BNC2: variants seen among roughly 807,000 people sequenced by gnomAD.
BNC2 encodes the protein basonuclin zinc finger protein 2.
Under a neutral mutation model 76.3 loss-of-function variants are expected in BNC2, and 20 were observed. The ratio of observed to expected loss-of-function variants is 0.26; its 90% CI spans 0.18 to 0.38. The LOEUF (loss-of-function observed/expected upper bound fraction) is 0.38. BNC2 is among the 10% of genes least tolerant of loss of function. BNC2 has a pLI of 1.00. For synonymous variants in BNC2, 582 were observed against 514.8 expected, an observed-to-expected ratio of 1.13 and a Z score of -1.77; for missense variants, 1,382 against 1,399.8, an observed-to-expected ratio of 0.99 and a Z score of 0.20.
chr9:16,781,950 G>T (rs868123338), intron 1 of BNC2, among the ~76,000 whole-genome samples: 7 of 152,164 alleles, frequency 4.6e-5, no homozygotes, highest in Middle Eastern at 6.8e-3. Flanking sequence ...AAAATGACAA[G>T]TAAGATTATC....
chr9:16,751,592 T>A (rs1372068017), intron 1 of BNC2, among the ~76,000 whole-genome samples: 1 of 92,526 alleles, frequency 1.1e-5, no homozygotes, highest in Non-Finnish European at 2.4e-5. Context: ...ATAAAGCTGC[T>A]GTCCCCAGCA....
intron 4 of BNC2, among the ~76,000 whole-genome samples, chr9:16,564,397 A>G (rs1819109136): frequency 6.6e-6 from 1 of 152,222 alleles, no homozygotes; most frequent in African/African-American, 2.4e-5. Context: ...AGATGCTTGT[A>G]GTAAAGATGA....
intron 3 of BNC2, among the ~76,000 whole-genome samples, chr9:16,634,827 G>A (rs1218180818): frequency 6.6e-6 from 1 of 151,862 alleles, no homozygotes; most frequent in Non-Finnish European, 1.5e-5. Flanking sequence ...AAACCCCAAA[G>A]TCTGAGCCCA....
chr9:16,626,368 C>T (rs1319140201), intron 3 of BNC2: 1 of 152,136 alleles, frequency 6.6e-6, no homozygotes, highest in Non-Finnish European at 1.5e-5. Flanking sequence ...GCGATAAATG[C>T]TTAAAGAATA....
intron 3 of BNC2, among the ~76,000 whole-genome samples, chr9:16,646,147 C>A (rs761273432): frequency 6.6e-6 from 1 of 152,214 alleles, no homozygotes; most frequent in Admixed American, 6.5e-5. Context: ...TCTCAGTGAA[C>A]TGGAGGTCAC....
intron 5 of BNC2, among the ~76,000 whole-genome samples, chr9:16,483,053 T>C (rs1468440227): frequency 6.6e-6 from 1 of 152,210 alleles, no homozygotes; most frequent in Admixed American, 6.5e-5. Context: ...AAAAGTGCCA[T>C]TTTGTATACA....
At chr9:16,583,356 G>C (rs1194033493) in intron 3 of BNC2, among the ~76,000 whole-genome samples, 1 of 151,980 alleles carries the variant, frequency 6.6e-6, no homozygotes, top group South Asian at 2.1e-4. Context: ...TTACATATTC[G>C]ATAAGATACC....
At chr9:16,510,147 G>C (rs1822719720) in intron 5 of BNC2, among the ~76,000 whole-genome samples, 1 of 152,200 alleles carries the variant, frequency 6.6e-6, no homozygotes, top group Non-Finnish European at 1.5e-5. Flanking sequence ...GGAAGCGCTA[G>C]CCACACATTC....
chr9:16,501,115 T>C (rs1170699086), intron 5 of BNC2, among the ~76,000 whole-genome samples: 1 of 101,492 alleles, frequency 9.9e-6, no homozygotes, highest in Non-Finnish European at 2.0e-5. Context: ...TAATCATACT[T>C]ACTACAGAGT....
chr9:16,781,731 T>C (rs947615645), intron 1 of BNC2, among the ~76,000 whole-genome samples: 1 of 152,202 alleles, frequency 6.6e-6, no homozygotes, highest in Non-Finnish European at 1.5e-5. Context: ...TTGGAAAATA[T>C]ATAATAAATG....
chr9:16,779,130 A>AAAAAAAAAAAAAAAAAAAAG (rs556932807), intron 1 of BNC2, among the ~76,000 whole-genome samples: 2 of 87,630 alleles, frequency 2.3e-5, no homozygotes, highest in Non-Finnish European at 4.4e-5. Context: ...AAAAAAAAAA[A>AAAAAAAAAAAAAAAAAAAAG]AAAAGAAAAG....
At position 16,661,059 on chromosome 9, in the gene BNC2, A is replaced by G. The variant is rs147726994; in HGVS notation, c.330+66738T>C. 3.2e-3 allele frequency among the ~76,000 whole-genome samples: 489 copies of G among 152,252 alleles called. 3 individuals carry two copies. Among genetic ancestry groups the G allele is most frequent in the African/African-American group, 0.011 (440 of 41,562 alleles). ...CTAAAGTGTATATACCATTATTCCC[A>G]TTTTAAATGTAAGGAAACTGAGGCT... On this transcript the variant is annotated intron_variant, in intron 3 of 6. Transcript: ENST00000380672.
chr9:16,729,925 A>G (rs1366421929), intron 2 of BNC2, among the ~76,000 whole-genome samples: 1 of 151,980 alleles, frequency 6.6e-6, no homozygotes, highest in Non-Finnish European at 1.5e-5. Context: ...CCTTCCACTC[A>G]GGCTCTGTTG....
chr9:16,654,534 C>T (rs1821875931), intron 3 of BNC2, among the ~76,000 whole-genome samples: 1 of 152,168 alleles, frequency 6.6e-6, no homozygotes, highest in African/African-American at 2.4e-5. Context: ...TTAATTATGA[C>T]TTGAACTTAA....
At chr9:16,798,393 T>A (rs959735406) in intron 1 of BNC2, among the ~76,000 whole-genome samples, 10 of 152,134 alleles carry the variant, frequency 6.6e-5, no homozygotes, top group African/African-American at 2.4e-4. Flanking sequence ...TAAATATATA[T>A]GGATTTACAA....
chr9:16,506,912 C>T lies in BNC2; in HGVS notation c.669+45618G>A, dbSNP rs372112188. Among the ~76,000 whole-genome samples, 8 of 151,656 alleles carry T rather than the reference C, an allele frequency of 5.3e-5. No homozygotes were observed. In the East Asian group the frequency reaches 5.9e-4, roughly 11 times the overall value. On this transcript the variant is annotated intron_variant, in intron 5 of 6. Transcript: ENST00000380672. The stretch of plus-strand genomic sequence containing the variant: ...GATTACAGGCACATGCCACCACACT[C>T]GGCTAATTTTTGTATTTTTAGTAAG...
intron 1 of BNC2, among the ~76,000 whole-genome samples, chr9:16,787,205 T>A (rs1270330876): frequency 6.6e-6 from 1 of 152,154 alleles, no homozygotes; most frequent in Non-Finnish European, 1.5e-5. Context: ...TCCAAGAGTG[T>A]CAGAAGCCCT....
chr9:16,693,217 C>T (rs2134449044), intron 3 of BNC2, among the ~76,000 whole-genome samples: 1 of 151,688 alleles, frequency 6.6e-6, no homozygotes, highest in African/African-American at 2.4e-5. Context: ...TGCAACCAAC[C>T]GTTTCACAAT....
At chr9:16,519,458 T>C (rs769203567) in intron 5 of BNC2, among the ~76,000 whole-genome samples, 3 of 152,180 alleles carry the variant, frequency 2.0e-5, no homozygotes, top group Non-Finnish European at 4.4e-5. Flanking sequence ...TTTGGACAGG[T>C]AGAGACAACC....
Sources: allele counts gnomAD v4.1 joint callset (sites outside exome capture counted in the v4.1 genomes callset), GRCh38; gene constraint gnomAD v4.1.1; transcripts MANE v1.5; gene names NCBI Gene and HGNC (gene_info 2026-07-23, HGNC 2026-07-21).